Variants in LPAR1 observed in about 807,000 individuals in gnomAD.
LPAR1 encodes LPA receptor 1.
In LPAR1, 5 loss-of-function variants were observed where a neutral mutation model predicts 23.8. The ratio of observed to expected loss-of-function variants is 0.21; its 90% CI spans 0.11 to 0.44. The LOEUF (loss-of-function observed/expected upper bound fraction) is 0.44. Among genes scored for constraint, LPAR1 ranks in the 20% least tolerant of loss-of-function variants. The pLI is 0.99. For missense variants in LPAR1, 311 were observed against 482.8 expected (o/e 0.64, Z 3.33); for synonymous variants, 160 against 164.7 (o/e 0.97, Z 0.22).
chr9:111,002,246 T>C (rs183888896), intron 2 of LPAR1, among the ~76,000 whole-genome samples: 1 of 152,332 alleles, frequency 6.6e-6, no homozygotes, highest in African/African-American at 2.4e-5. Context: ...AATGTAGTCA[T>C]TGATAAAATA....
chr9:110,997,608 TTA>T (rs775722476), intron 2 of LPAR1, among the ~76,000 whole-genome samples: 7 of 152,202 alleles, frequency 4.6e-5, no homozygotes, highest in African/African-American at 7.2e-5. Context: ...AACCAGACTT[TTA>T]ACAGAGTTTT....
At chr9:110,888,567 A>G (rs62573179) in intron 5 of LPAR1, among the ~76,000 whole-genome samples, 1 of 46,306 alleles carries the variant, frequency 2.2e-5, no homozygotes, top group Non-Finnish European at 3.8e-5. Flanking sequence ...ACCCAGCAGA[A>G]AAAAAAAAAA....
intron 2 of LPAR1, among the ~76,000 whole-genome samples, chr9:111,016,387 C>A (rs749228289): frequency 2.0e-4 from 30 of 152,222 alleles, no homozygotes; most frequent in Non-Finnish European, 3.8e-4. Flanking sequence ...GCCCACCTGT[C>A]TATGCTGACT....
chr9:110,883,957 C>CA (rs1385663709), intron 5 of LPAR1, among the ~76,000 whole-genome samples: 1 of 151,974 alleles, frequency 6.6e-6, no homozygotes, highest in Non-Finnish European at 1.5e-5. Flanking sequence ...CTCCCTCCCC[C>CA]ACCCCCATTT....
At chr9:111,005,577 A>AG (rs2097203697) in intron 2 of LPAR1, among the ~76,000 whole-genome samples, 2 of 120,872 alleles carry the variant, frequency 1.7e-5, no homozygotes, top group Non-Finnish European at 3.5e-5. Flanking sequence ...AAAAAAAAAA[A>AG]GAAGAATTGG....
At chr9:111,007,180 C>T (rs1002257803) in intron 2 of LPAR1, among the ~76,000 whole-genome samples, 6 of 152,082 alleles carry the variant, frequency 3.9e-5, no homozygotes, top group Non-Finnish European at 8.8e-5. Flanking sequence ...GAGCAGATGC[C>T]AGCACCATGC....
chr9:110,919,705 G>A (rs2093477174), intron 5 of LPAR1, among the ~76,000 whole-genome samples: 1 of 152,194 alleles, frequency 6.6e-6, no homozygotes, highest in Non-Finnish European at 1.5e-5. Flanking sequence ...TAAAGCAGCT[G>A]TCACCATATC....
chr9:110,975,022 T>C (rs576503020), intron 2 of LPAR1, among the ~76,000 whole-genome samples: 2 of 152,288 alleles, frequency 1.3e-5, no homozygotes, highest in South Asian at 4.1e-4. Context: ...TATGTATTTA[T>C]AATTCACATT....
Position 110,874,228 on chromosome 9 carries a change from A to C in LPAR1, c.*1193T>G, listed in dbSNP as rs2078651339. 1 of 152,612 alleles carries C rather than the reference A, an allele frequency of 6.6e-6. No homozygotes were observed. Among genetic ancestry groups the C allele is most frequent in the South Asian group, 2.1e-4 (1 of 4,834 alleles). The allele number at this position is 152,612 out of a possible 1,614,324, so 9.5% of individuals were successfully genotyped here. A position where few individuals can be genotyped will look rare whatever the true frequency, so the allele number is the denominator to read the frequency against. Reference sequence around the variant, plus strand: ...AATGAAAATTAGAAACAACCTAAATAGTTAACAACATGGGAATGGTTAAAT... The same window carrying C: ...AATGAAAATTAGAAACAACCTAAATCGTTAACAACATGGGAATGGTTAAAT... On this transcript the variant is annotated 3_prime_UTR_variant, in exon 6 of 6. Coordinates refer to ENST00000683809, the MANE Select transcript of LPAR1 (RefSeq NM_001351411.2).
rs376801825 is a variant in LPAR1 at position 111,007,961 on chromosome 9, G to T, written c.-182+28161C>A. ...GGCCAAGGCAGGCAGATCACCTGAG[G>T]TCAGGAGTTCAAGACCAGCATGGCC... On this transcript the variant is annotated intron_variant, in intron 2 of 5. Coordinates refer to ENST00000683809, the MANE Select transcript of LPAR1 (RefSeq NM_001351411.2). Among the ~76,000 whole-genome samples the T allele has an allele frequency of 5.9e-5, 9 of 152,200 alleles. No individual in the cohort carries two copies. The East Asian group carries it at 1.2e-3, about 20-fold the overall frequency.
At chr9:111,029,927 C>T (rs978761547) in intron 2 of LPAR1, among the ~76,000 whole-genome samples, 9 of 151,290 alleles carry the variant, frequency 5.9e-5, no homozygotes, top group African/African-American at 9.7e-5. Context: ...TGGTGGTGCA[C>T]GCCTGTGGTC....
At chr9:110,912,675 A>G (rs4246883) in intron 5 of LPAR1, among the ~76,000 whole-genome samples, 43,507 of 152,038 alleles carry the variant, frequency 0.29, 6,769 homozygotes, top group South Asian at 0.35. Context: ...AACTATTGAA[A>G]TATAGCCATA....
intron 5 of LPAR1, among the ~76,000 whole-genome samples, chr9:110,890,490 C>CA (rs1564378663): frequency 6.6e-6 from 1 of 152,102 alleles, no homozygotes; most frequent in African/African-American, 2.4e-5. Flanking sequence ...ATCTCCCCCC[C>CA]ACAAAACTAC....
chr9:110,880,153 C>A (rs2080330618), intron 5 of LPAR1, among the ~76,000 whole-genome samples: 1 of 152,136 alleles, frequency 6.6e-6, no homozygotes, highest in Non-Finnish European at 1.5e-5. Context: ...GGAGGATATT[C>A]AAAACAGATC....
chr9:110,943,568 G>C (rs756364112), intron 4 of LPAR1, among the ~76,000 whole-genome samples: 15 of 152,026 alleles, frequency 9.9e-5, no homozygotes, highest in Non-Finnish European at 2.2e-4. Context: ...GCTTCTTAAA[G>C]AGATCACAGT....
chr9:110,918,733 A>C (rs1319287031), intron 5 of LPAR1, among the ~76,000 whole-genome samples: 2 of 152,266 alleles, frequency 1.3e-5, no homozygotes, highest in African/African-American at 4.8e-5. Flanking sequence ...CTTCAAAAAG[A>C]AAGTACTAGA....
At chr9:111,034,045 G>C (rs1214885377) in intron 2 of LPAR1, among the ~76,000 whole-genome samples, 1 of 152,198 alleles carries the variant, frequency 6.6e-6, no homozygotes, top group Non-Finnish European at 1.5e-5. Flanking sequence ...GGATCCCACA[G>C]AGTGAAGATA....
At position 110,941,522 on chromosome 9, in the gene LPAR1, T is replaced by C. The variant is rs2095106396; in HGVS notation, c.692A>G (p.Tyr231Cys). Reference sequence around the variant, plus strand: ...CATTCTCATAGTCCTCTGGCGAACATAGCCAAAGATGTGAGCATAGAGAAC... The same window carrying C: ...CATTCTCATAGTCCTCTGGCGAACACAGCCAAAGATGTGAGCATAGAGAAC... ...MVVLYAHIFG[Y>C]VRQRTMRMSR... The change falls in exon 5 of 6, where the codon TAT becomes TGT. Residue 231 changes from tyrosine (Y) to cysteine (C), a missense_variant. Tyr to Cys is a radical substitution (Grantham distance 194, BLOSUM62 -2). This residue lies in a region of LPAR1 where 250 missense variants were observed against 427.2 expected (regional missense o/e 0.59). Transcript: ENST00000683809. This position sits in a 1 kb window ranked among gnomAD's most constrained non-coding sequence, Gnocchi z 6.1. 10 of 1,613,976 alleles carry C rather than the reference T, an allele frequency of 6.2e-6. No homozygotes were observed. Among genetic ancestry groups the C allele is most frequent in the Admixed American group, 1.7e-5 (1 of 59,998 alleles).
intron 5 of LPAR1, among the ~76,000 whole-genome samples, chr9:110,940,079 G>A (rs183359555): frequency 7.8e-4 from 119 of 152,284 alleles, no homozygotes; most frequent in African/African-American, 2.7e-3. Context: ...ATCTTCATTG[G>A]ATGCAATAAG....
Sources: gnomAD v4.1 joint callset for allele counts (sites outside exome capture counted in the v4.1 genomes callset) on GRCh38, gnomAD v4.1.1 for gene constraint, gnomAD v4.1.1 regional missense constraint, Gnocchi (gnomAD v3.1) non-coding constraint, MANE v1.5 for transcripts, NCBI Gene and HGNC (gene_info 2026-07-23, HGNC 2026-07-21) for gene names.